The following NR1H3 variants were observed in gnomAD, a reference collection of about 807,000 sequenced individuals.
NR1H3 encodes nuclear receptor subfamily 1 group H member 3.
NR1H3 carries 19 observed loss-of-function variants against 48.1 expected under a neutral mutation model. That is an observed-to-expected ratio of 0.40 (90% CI 0.28 to 0.58). The LOEUF (loss-of-function observed/expected upper bound fraction) is 0.58, where lower values mean the gene tolerates loss of function less well. NR1H3 is among the 20% of genes least tolerant of loss of function. The pLI is 0.50. For synonymous variants in NR1H3, 232 were observed against 227.3 expected, an observed-to-expected ratio of 1.02 and a Z score of -0.19; for missense variants, 486 against 595.9, an observed-to-expected ratio of 0.82 and a Z score of 1.92.
chr11:47,255,547 TTCTTTC>T (rs1377154252), upstream of NR1H3, among the ~76,000 whole-genome samples: 8 of 55,692 alleles, frequency 1.4e-4, no homozygotes, highest in Non-Finnish European at 1.9e-4. Context: ...TTCTTTTTCT[TTCTTTC>T]TTTCTTTCTT....
rs762753444 is a variant in NR1H3, at chr11:47,268,535, C to T, written c.1198-15C>T. 3.1e-6 allele frequency: 5 copies of T among 1,614,060 alleles called. No individual in the cohort carries two copies. The highest frequency in any genetic ancestry group is 2.2e-5 in the South Asian group (2 of 91,086). ...GGACAGGCAAAAGCTGTGTTTGTCT[C>T]TCTCCTTTCCCCAGGACCGACTGAT... On this transcript the variant is annotated splice_polypyrimidine_tract_variant and intron_variant, in intron 9 of 9. Transcript: ENST00000441012.
At chr11:47,265,517 A>C (rs1214761910) in intron 7 of NR1H3, among the ~76,000 whole-genome samples, 2 of 152,344 alleles carry the variant, frequency 1.3e-5, no homozygotes, top group African/African-American at 4.8e-5. Flanking sequence ...AGGTATCATT[A>C]CTTTAGCTCA....
chr11:47,249,240 G>A (rs1954396509), intron 1 of NR1H3, among the ~76,000 whole-genome samples: 1 of 152,054 alleles, frequency 6.6e-6, no homozygotes, highest in African/African-American at 2.4e-5. Flanking sequence ...TGCCTTTGTG[G>A]GGAGATTGAG....
At position 47,261,291 on chromosome 11, in the gene NR1H3, G is replaced by A; in HGVS notation, c.550G>A (p.Glu184Lys). The A allele has an allele frequency of 6.2e-7, 1 of 1,614,000 alleles. No individual in the cohort carries two copies. The highest frequency in any genetic ancestry group is 8.5e-7 in the Non-Finnish European group (1 of 1,180,004). ...IRLKKLKRQE[E>K]EQAHATSLPP... ...CCTGAAGAAACTGAAGCGGCAAGAG[G>A]AGGAACAGGCTCATGCCACATCCTT... Residue 184 changes from glutamate (E) to lysine (K), a missense_variant, in exon 5 of 10, where the codon GAG becomes AAG. Physicochemically the swap from Glu to Lys is moderately conservative, Grantham distance 56. Coordinates refer to ENST00000441012, the MANE Select transcript of NR1H3 (RefSeq NM_005693.4).
upstream of NR1H3, chr11:47,248,870 GAC>G (rs762610529): frequency 7.5e-5 from 117 of 1,550,398 alleles, no homozygotes; most frequent in African/African-American, 1.3e-3. Flanking sequence ...CACCCGTAAG[GAC>G]ACACGCCGGA....
intron 1 of NR1H3, among the ~76,000 whole-genome samples, chr11:47,251,467 C>A (rs1199550122): frequency 2.0e-5 from 3 of 152,038 alleles, no homozygotes; most frequent in Non-Finnish European, 4.4e-5. Flanking sequence ...CAAAAATTAG[C>A]CAGTCGTGGT....
At chr11:47,268,524 T>C in intron 9 of NR1H3, 26 bp from the exon 10 acceptor site, 1 of 1,614,052 alleles carries the variant, frequency 6.2e-7, no homozygotes, top group East Asian at 2.2e-5. Flanking sequence ...AGGCAAAAGC[T>C]GTGTTTGTCT....
upstream of NR1H3, among the ~76,000 whole-genome samples, chr11:47,255,647 TTCTCTTTC>T (rs1955094731): frequency 7.9e-6 from 1 of 125,928 alleles, no homozygotes. Context: ...CTTTCTTTCT[TTCTCTTTC>T]TCTCTCTCTC....
chr11:47,258,113 G>A lies in NR1H3; in HGVS notation c.-54G>A. 2.0e-6 allele frequency: 2 copies of A among 985,604 alleles called. No individual in the cohort carries two copies. Among genetic ancestry groups the A allele is most frequent in the Non-Finnish European group, 2.4e-6 (2 of 830,138 alleles). 61.1% of individuals were successfully genotyped at this position (985,604 alleles called of 1,614,324 possible). ...CAGAGACTGCCCACCCAGGAAGTCTGGTGGCCTGGGGATTTGGTGGGTCTG... is the reference window on the plus strand; with the variant it reads ...CAGAGACTGCCCACCCAGGAAGTCTAGTGGCCTGGGGATTTGGTGGGTCTG... On this transcript the variant is annotated 5_prime_UTR_variant, in exon 1 of 10. Coordinates refer to ENST00000441012, the MANE Select transcript of NR1H3 (RefSeq NM_005693.4).
At position 47,268,015 on chromosome 11, in the gene NR1H3, T is replaced by C. The variant is rs1250882181; in HGVS notation, c.1091T>C (p.Ile364Thr). 1 of 1,612,576 alleles carries C rather than the reference T, an allele frequency of 6.2e-7. No individual in the cohort carries two copies. Among genetic ancestry groups the C allele is most frequent in the Non-Finnish European group, 8.5e-7 (1 of 1,179,010 alleles). ...AEFALLIAIS[I>T]FSADRPNVQD... Reference sequence around the variant, plus strand: ...TTTGCCTTGCTCATTGCTATCAGCATCTTCTCTGCAGGTGTGGAGGAGGGG... The same window carrying C: ...TTTGCCTTGCTCATTGCTATCAGCACCTTCTCTGCAGGTGTGGAGGAGGGG... Residue 364 changes from isoleucine to threonine, a missense_variant, in exon 8 of 10, where the codon ATC becomes ACC. By Grantham distance (89) the Ile-to-Thr change is moderately conservative (BLOSUM62 -1). Transcript: ENST00000441012.
chr11:47,260,325 T>TG, intron 3 of NR1H3, 84 bp from the exon 4 acceptor site: 3 of 1,509,110 alleles, frequency 2.0e-6, no homozygotes, highest in Non-Finnish European at 2.7e-6. Context: ...TGAAGGTCAC[T>TG]GAGTGCCCAG....
chr11:47,259,749 AT>A, intron 2 of NR1H3, 41 bp from the exon 3 acceptor site: 1 of 1,610,508 alleles, frequency 6.2e-7, no homozygotes, highest in Non-Finnish European at 8.5e-7. Context: ...TGGAGCCGGG[AT>A]GGGGCCTGAG....
chr11:47,259,083 T>A (rs1955531162), intron 1 of NR1H3, 97 bp from the exon 2 acceptor site: 2 of 1,574,196 alleles, frequency 1.3e-6, no homozygotes, highest in Non-Finnish European at 8.6e-7. Flanking sequence ...TAGCTGATAT[T>A]GTTGATATTG....
intron 6 of NR1H3, 73 bp downstream of exon 6, chr11:47,261,799 G>T (rs575968633): frequency 6.2e-7 from 1 of 1,606,336 alleles, no homozygotes; most frequent in South Asian, 1.1e-5. Flanking sequence ...TCCAGACATC[G>T]AGCTGGGAGA....
intron 1 of NR1H3, among the ~76,000 whole-genome samples, chr11:47,249,195 G>C (rs1335285845): frequency 6.6e-6 from 1 of 152,180 alleles, no homozygotes; most frequent in Non-Finnish European, 1.5e-5. Flanking sequence ...TGAGGCGAGG[G>C]ATGGGAAAGT....
intron 1 of NR1H3, chr11:47,258,520 G>A (rs1955455777): frequency 6.6e-6 from 1 of 152,526 alleles, no homozygotes; most frequent in African/African-American, 2.4e-5. Flanking sequence ...CTTTGGGGGA[G>A]AAAAGCCGGC....
At chr11:47,248,364 G>C (rs1591030897), upstream of NR1H3, 1 of 1,364,664 alleles carries the variant, frequency 7.3e-7, no homozygotes, top group East Asian at 2.5e-5. Flanking sequence ...AGGTAGGAAG[G>C]GAAAAGAGAA....
chr11:47,254,417 G>T (rs781335443), upstream of NR1H3, among the ~76,000 whole-genome samples: 2 of 152,154 alleles, frequency 1.3e-5, no homozygotes, highest in African/African-American at 4.8e-5. Context: ...TGGTGATGTG[G>T]GTGCTGGGAC....
chr11:47,248,770 C>A, upstream of NR1H3: 1 of 1,599,212 alleles, frequency 6.3e-7, no homozygotes, highest in Admixed American at 1.7e-5. Flanking sequence ...CCGGCTCCAG[C>A]CGGACCGCTT....
Sources: gnomAD v4.1 joint callset for allele counts (sites outside exome capture counted in the v4.1 genomes callset) on GRCh38, gnomAD v4.1.1 for gene constraint, MANE v1.5 for transcripts, NCBI Gene and HGNC (gene_info 2026-07-23, HGNC 2026-07-21) for gene names.